Variants in CADM2 observed in about 807,000 individuals in gnomAD.
CADM2 encodes immunoglobulin superfamily member 4D.
CADM2 carries 12 observed loss-of-function variants against 49.8 expected under a neutral mutation model. The ratio of observed to expected loss-of-function variants is 0.24; its 90% CI spans 0.15 to 0.39. The LOEUF (loss-of-function observed/expected upper bound fraction) is 0.39. CADM2 is among the 10% of genes least tolerant of loss of function. The pLI is 1.00. For missense variants in CADM2, 378 were observed against 492.3 expected (o/e 0.77, Z 2.20); for synonymous variants, 214 against 175.4 (o/e 1.22, Z -1.74).
intron 8 of CADM2, among the ~76,000 whole-genome samples, chr3:86,030,053 T>C (rs1310211784): frequency 1.3e-5 from 2 of 151,882 alleles, no homozygotes; most frequent in African/African-American, 4.8e-5. Context: ...GGAAGGGGGA[T>C]CTTTAAAAAA....
At chr3:85,550,685 C>G (rs1243600559) in intron 1 of CADM2, among the ~76,000 whole-genome samples, 1 of 152,130 alleles carries the variant, frequency 6.6e-6, no homozygotes, top group Non-Finnish European at 1.5e-5. Flanking sequence ...CGTCCAAAAA[C>G]CCTATTCTCA....
intron 8 of CADM2, among the ~76,000 whole-genome samples, chr3:86,008,687 A>G (rs2106884829): frequency 6.6e-6 from 1 of 152,150 alleles, no homozygotes; most frequent in East Asian, 1.9e-4. Flanking sequence ...AAAAGGCAAA[A>G]TGAACTATTG....
intron 1 of CADM2, among the ~76,000 whole-genome samples, chr3:85,217,208 A>G (rs1034631811): frequency 2.0e-5 from 3 of 151,856 alleles, no homozygotes; most frequent in Non-Finnish European, 4.4e-5. Flanking sequence ...ACACTGGCAC[A>G]AAATTATGAA....
At chr3:86,030,474 A>G (rs959618251) in intron 8 of CADM2, among the ~76,000 whole-genome samples, 2 of 151,980 alleles carry the variant, frequency 1.3e-5, no homozygotes, top group Admixed American at 1.3e-4. Context: ...GATTTATTAT[A>G]CTTTTCTGCC....
At chr3:85,641,943 A>T (rs2064731074) in intron 1 of CADM2, among the ~76,000 whole-genome samples, 1 of 152,136 alleles carries the variant, frequency 6.6e-6, no homozygotes, top group Admixed American at 6.6e-5. Context: ...AAAAAATTAA[A>T]AAAAAGAAAG....
chr3:86,000,852 G>A (rs771126927), intron 8 of CADM2, among the ~76,000 whole-genome samples: 3 of 152,052 alleles, frequency 2.0e-5, no homozygotes, highest in Non-Finnish European at 4.4e-5. Context: ...GAGTGATTAA[G>A]GAAGAGGGAA....
chr3:85,437,061 T>A (rs1440094389), intron 1 of CADM2, among the ~76,000 whole-genome samples: 2 of 106,782 alleles, frequency 1.9e-5, no homozygotes, highest in African/African-American at 5.3e-5. Context: ...TCTTTATAGT[T>A]TTGCCTTTTC....
intron 1 of CADM2, among the ~76,000 whole-genome samples, chr3:85,474,846 G>A (rs967046139): frequency 3.3e-5 from 5 of 151,752 alleles, no homozygotes; most frequent in Admixed American, 6.6e-5. Flanking sequence ...GCTTATATGT[G>A]CCATGGCTGT....
At chr3:85,873,184 C>T (rs2075995080) in intron 3 of CADM2, among the ~76,000 whole-genome samples, 1 of 152,142 alleles carries the variant, frequency 6.6e-6, no homozygotes, top group African/African-American at 2.4e-5. Context: ...AATACTGTTA[C>T]AATGGCTATT....
intron 1 of CADM2, among the ~76,000 whole-genome samples, chr3:85,447,173 AGGAAAAGTGTCAAATATT>A: frequency 6.6e-6 from 1 of 151,686 alleles, no homozygotes; most frequent in East Asian, 2.0e-4. Flanking sequence ...TATAATTCAA[AGGAAAAGTGTCAAATATT>A]GGGGACAAGT....
At chr3:85,511,371 CT>C (rs1268388914) in intron 1 of CADM2, among the ~76,000 whole-genome samples, 2 of 152,086 alleles carry the variant, frequency 1.3e-5, no homozygotes, top group African/African-American at 4.8e-5. Flanking sequence ...CAGTGTAATT[CT>C]TTACATACTT....
At chr3:86,012,603 C>T (rs1731675884) in intron 8 of CADM2, 3 of 1,578,334 alleles carry the variant, frequency 1.9e-6, no homozygotes, top group South Asian at 2.3e-5. Flanking sequence ...GCGAAGCGCA[C>T]GCAGTCCGAC....
At chr3:84,980,450 G>A (rs1005547678) in intron 1 of CADM2, among the ~76,000 whole-genome samples, 13 of 152,136 alleles carry the variant, frequency 8.5e-5, no homozygotes, top group Non-Finnish European at 1.6e-4. Context: ...ATGTTCTCAA[G>A]TAAACTATTT....
intron 1 of CADM2, among the ~76,000 whole-genome samples, chr3:85,626,207 G>T (rs1377384895): frequency 6.6e-6 from 1 of 151,924 alleles, no homozygotes; most frequent in African/African-American, 2.4e-5. Flanking sequence ...AAATTGAAAG[G>T]TCGTAAGAAA....
Position 85,944,817 on chromosome 3 carries a change from A to G in CADM2, c.791+8960A>G, listed in dbSNP as rs951943159. Among the ~76,000 whole-genome samples, 11 of 152,262 alleles carry G rather than the reference A, an allele frequency of 7.2e-5. No homozygotes were observed. In the East Asian group the frequency reaches 2.1e-3, roughly 29 times the overall value. On this transcript the variant is annotated intron_variant, in intron 7 of 9. Transcript: ENST00000383699. ...ATTTATAGCACTAAAGGCCCACAAG[A>G]CAAAGTAGGAAAGATCTAAAATTGA...
intron 1 of CADM2, among the ~76,000 whole-genome samples, chr3:85,153,522 G>A (rs1038631883): frequency 3.9e-5 from 6 of 152,176 alleles, no homozygotes; most frequent in Admixed American, 6.5e-5. Context: ...AGGGGCGCCC[G>A]CCATTGCCCA....
intron 8 of CADM2, among the ~76,000 whole-genome samples, chr3:86,021,392 T>C (rs571773354): frequency 6.6e-6 from 1 of 152,222 alleles, no homozygotes; most frequent in Admixed American, 6.5e-5. Flanking sequence ...ATATATTTCC[T>C]TCTGTCCTAT....
At chr3:85,793,078 T>C (rs1461639656) in intron 2 of CADM2, among the ~76,000 whole-genome samples, 3 of 152,126 alleles carry the variant, frequency 2.0e-5, no homozygotes. Context: ...TAATTCCTAA[T>C]GTATTCAAAA....
chr3:86,014,036 A>G, intron 8 of CADM2: 1 of 1,345,490 alleles, frequency 7.4e-7, no homozygotes, highest in Admixed American at 2.3e-5. Flanking sequence ...TGCTTTTAGA[A>G]CTTGACGATG....
Sources: gnomAD v4.1 joint callset for allele counts (sites outside exome capture counted in the v4.1 genomes callset) on GRCh38, gnomAD v4.1.1 for gene constraint, MANE v1.5 for transcripts, NCBI Gene and HGNC (gene_info 2026-07-23, HGNC 2026-07-21) for gene names.